Variants in USP36 observed in about 807,000 individuals in gnomAD.
USP36 encodes ubiquitin carboxyl-terminal hydrolase 36.
USP36 carries 59 observed loss-of-function variants against 111.5 expected under a neutral mutation model. The ratio of observed to expected loss-of-function variants is 0.53; its 90% confidence interval spans 0.43 to 0.66. USP36 has a LOEUF of 0.66. Among genes scored for constraint, USP36 ranks in the 30% least tolerant of loss-of-function variants. The pLI is 0.00. For missense variants in USP36, 1,488 were observed against 1,468.0 expected, an observed-to-expected ratio of 1.01 and a Z score of -0.22; for synonymous variants, 628 against 581.0, an observed-to-expected ratio of 1.08 and a Z score of -1.16.
At position 78,802,410 on chromosome 17, in the gene USP36, C is replaced by T. The variant is rs1286032961; in HGVS notation, c.2936G>A (p.Arg979Lys). The T allele has an allele frequency of 2.5e-6, 4 of 1,612,102 alleles. No homozygotes were observed. Among genetic ancestry groups the T allele is most frequent in the African/African-American group, 1.3e-5 (1 of 74,902 alleles). ...AACAGCATCTTGGGGCTTGGCACTC[C>T]TTGGGCATTTGAGATGCCCATCCTC... ...VEEDGHLKCPRSAKPQDAVVP... is the reference protein window; with the variant it reads ...VEEDGHLKCPKSAKPQDAVVP... The change falls in exon 17 of 21, where the codon AGG becomes AAG. Residue 979 changes from arginine to lysine, a missense_variant. Physicochemically the swap from Arg to Lys is conservative, Grantham distance 26 (BLOSUM62 2). This residue lies in a region of USP36 where 1,073 missense variants were observed against 994.1 expected (regional missense o/e 1.08). Coordinates refer to ENST00000449938, the MANE Select transcript of USP36 (RefSeq NM_001385174.1).
intron 1 of USP36, chr17:78,840,249 C>T (rs34691953): frequency 0.021 from 3,157 of 152,694 alleles, 62 homozygotes; most frequent in Non-Finnish European, 0.029. Context: ...CCCACGCCAC[C>T]CGCCAGAAGC....
intron 10 of USP36, 113 bp downstream of exon 10, chr17:78,818,554 A>T (rs2094241974): frequency 2.3e-6 from 2 of 885,246 alleles, no homozygotes; most frequent in Non-Finnish European, 3.7e-6. Context: ...TAGAACAGGG[A>T]CAGGTACTGT....
chr17:78,806,614 G>A (rs1017921082), intron 14 of USP36, among the ~76,000 whole-genome samples: 6 of 152,110 alleles, frequency 3.9e-5, no homozygotes, highest in South Asian at 2.1e-4. Flanking sequence ...CTTCCTGCCC[G>A]CCCCACCCCT....
chr17:78,835,423 G>A lies in USP36; in HGVS notation c.332C>T (p.Ser111Phe). The A allele has an allele frequency of 1.1e-5, 17 of 1,614,256 alleles. No individual in the cohort carries two copies. Among genetic ancestry groups the A allele is most frequent in the Non-Finnish European group, 1.4e-5 (17 of 1,180,042 alleles). Residue 111 changes from serine (S) to phenylalanine (F), a missense_variant, in exon 4 of 21, where the codon TCT becomes TTT. Coordinates refer to ENST00000449938, the MANE Select transcript of USP36 (RefSeq NM_001385174.1). ...GCGGAAGACCCGCTCCCACCTCAGAGACAGTCGCTCCGTGGGGAAAAGCAC... is the reference window on the plus strand; with the variant it reads ...GCGGAAGACCCGCTCCCACCTCAGAAACAGTCGCTCCGTGGGGAAAAGCAC... ...QKVLFPTERL[S>F]LRWERVFRVG...
chr17:78,827,473 A>C (rs557070612), intron 5 of USP36, 126 bp from the exon 6 acceptor site: 320 of 846,214 alleles, frequency 3.8e-4, no homozygotes, highest in Non-Finnish European at 5.4e-4. Flanking sequence ...CAAAGGAACA[A>C]GTGAGGAAAA....
At chr17:78,836,451 G>A (rs2068679389) in intron 2 of USP36, 79 bp from the exon 3 acceptor site, 2 of 1,528,694 alleles carry the variant, frequency 1.3e-6, no homozygotes, top group Non-Finnish European at 1.8e-6. Flanking sequence ...CTCCTCTTTG[G>A]TCATTATGGA....
chr17:78,788,451 C>T (rs190674239), intron 3 of USP36, among the ~76,000 whole-genome samples: 4 of 152,188 alleles, frequency 2.6e-5, no homozygotes, highest in Non-Finnish European at 4.4e-5. Context: ...GCGTGAGCCA[C>T]CGCACCCGGC....
At chr17:78,801,825 A>C (rs2093751474) in intron 17 of USP36, among the ~76,000 whole-genome samples, 1 of 152,222 alleles carries the variant, frequency 6.6e-6, no homozygotes, top group South Asian at 2.1e-4. Context: ...TTGAATCGGA[A>C]GACCCACTGG....
At chr17:78,834,742 G>A (rs1422052608) in intron 4 of USP36, among the ~76,000 whole-genome samples, 1 of 152,050 alleles carries the variant, frequency 6.6e-6, no homozygotes, top group Non-Finnish European at 1.5e-5. Flanking sequence ...ATTTGTTTTT[G>A]TAGAGATGGG....
At chr17:78,824,660 C>T (rs116034148) in intron 6 of USP36, among the ~76,000 whole-genome samples, 1 of 152,246 alleles carries the variant, frequency 6.6e-6, no homozygotes, top group African/African-American at 2.4e-5. Context: ...AAATATGCTA[C>T]CTATAATTAC....
At position 78,798,150 on chromosome 17, in the gene USP36, ACACACCCCC is replaced by A. The variant is rs1567904859; in HGVS notation, c.*20+241_*20+249del. On this transcript the variant is annotated intron_variant, in intron 20 of 20. Coordinates refer to ENST00000449938, the MANE Select transcript of USP36 (RefSeq NM_001385174.1). The surrounding 1 kb of genome is among the most constrained non-coding windows in gnomAD (Gnocchi z 5.1). ...ACACCCCACACCCAACACACACTAC[ACACACCCCC>A]TTATACACACGCATCCCACACACAC... is the stretch of plus-strand genomic sequence containing the variant. 942 of 507,466 alleles carry A rather than the reference ACACACCCCC, an allele frequency of 1.9e-3. 6 individuals carry two copies. The highest frequency in any genetic ancestry group is 0.016 in the African/African-American group (810 of 51,208). 31.4% of individuals were successfully genotyped at this position (507,466 alleles called of 1,614,324 possible).
intron 10 of USP36, among the ~76,000 whole-genome samples, chr17:78,815,719 C>T (rs1313371234): frequency 6.7e-6 from 1 of 149,228 alleles, no homozygotes; most frequent in African/African-American, 2.4e-5. Flanking sequence ...GAAAAAAATA[C>T]ACGCACACAT....
In USP36 at chr17:78,802,549, A is replaced by T. The variant is rs1311307754; in HGVS notation, c.2811-14T>A. ...ATGGGAGAGCAGCTGCTTGGAAGTG[A>T]GAGGCAGCAGTCAGCTCTGAGCAAA... On this transcript the variant is annotated splice_polypyrimidine_tract_variant and intron_variant, in intron 16 of 20. Coordinates refer to ENST00000449938, the MANE Select transcript of USP36 (RefSeq NM_001385174.1). The T allele has an allele frequency of 1.3e-6, 2 of 1,598,554 alleles. No individual in the cohort carries two copies. The highest frequency in any genetic ancestry group is 2.2e-5 in the South Asian group (2 of 90,440).
At chr17:78,823,800 G>A (rs772785572) in intron 6 of USP36, among the ~76,000 whole-genome samples, 4 of 152,066 alleles carry the variant, frequency 2.6e-5, no homozygotes, top group Non-Finnish European at 1.5e-5. Context: ...CTAGACTATC[G>A]ACCCTTCTGC....
chr17:78,814,475 G>A lies in USP36; in HGVS notation c.1101C>T (p.Leu367=), dbSNP rs115477327. 1,004 of 1,614,198 alleles carry A rather than the reference G, an allele frequency of 6.2e-4. 8 individuals are homozygous for A. The African/African-American group carries it at 0.011, about 18-fold the overall frequency. ...QNNGDPVMYG[L]YAVLVHSGYS... is the part of the protein sequence containing the mutation. ...AGCCCGAGTGCACCAGGACAGCATA[G>A]AGTCCATACATGACAGGATCACCAT... Residue 367 remains leucine (L), a synonymous_variant, in exon 11 of 21, where the codon CTC becomes CTT. Coordinates refer to ENST00000449938, the MANE Select transcript of USP36 (RefSeq NM_001385174.1).
chr17:78,789,721 C>T (rs1724056013), intron 3 of USP36, among the ~76,000 whole-genome samples: 1 of 152,214 alleles, frequency 6.6e-6, no homozygotes, highest in South Asian at 2.1e-4. Context: ...TTCCCTGTGC[C>T]ACCCAAAAGA....
chr17:78,819,293 A>G (rs1316240523), intron 9 of USP36, among the ~76,000 whole-genome samples: 2 of 152,178 alleles, frequency 1.3e-5, no homozygotes, highest in East Asian at 1.9e-4. Flanking sequence ...AGATATAAAG[A>G]TATTCAGCCG....
downstream of USP36, among the ~76,000 whole-genome samples, chr17:78,792,775 G>C (rs919902141): frequency 6.6e-6 from 1 of 152,060 alleles, no homozygotes; most frequent in African/African-American, 2.4e-5. Flanking sequence ...CTGGAGTGCA[G>C]TGGCATGATC....
chr17:78,826,258 G>A (rs2067532045), intron 6 of USP36, among the ~76,000 whole-genome samples: 1 of 152,222 alleles, frequency 6.6e-6, no homozygotes, highest in Admixed American at 6.5e-5. Flanking sequence ...AGCCAGGAAT[G>A]GTGGCTCATG....
Sources: gnomAD v4.1 joint callset for allele counts (sites outside exome capture counted in the v4.1 genomes callset) on GRCh38, gnomAD v4.1.1 for gene constraint, gnomAD v4.1.1 regional missense constraint, Gnocchi (gnomAD v3.1) non-coding constraint, MANE v1.5 for transcripts, NCBI Gene and HGNC (gene_info 2026-07-23, HGNC 2026-07-21) for gene names.